DOCK1: variants seen among roughly 807,000 people sequenced by gnomAD.
DOCK1 encodes dedicator of cytokinesis protein 1.
A neutral mutation model predicts 262.7 loss-of-function variants in DOCK1; 138 were observed. The observed-to-expected ratio is 0.53, with a 90% confidence interval of 0.46 to 0.61. The LOEUF (loss-of-function observed/expected upper bound fraction) is 0.61, where lower values mean the gene tolerates loss of function less well. Ranked by LOEUF, DOCK1 falls within the 20% of genes least tolerant of loss-of-function variation. The probability of loss-of-function intolerance (pLI) is 0.00; values close to 1 mark genes in which losing one functional copy is unlikely to be tolerated. For missense variants in DOCK1, 1,908 were observed against 2,370.7 expected (o/e 0.80, Z 4.05); for synonymous variants, 866 against 867.4 (o/e 1.00, Z 0.03).
intron 27 of DOCK1, among the ~76,000 whole-genome samples, chr10:127,236,089 GTCAT>G (rs1488641540): frequency 1.3e-5 from 2 of 151,952 alleles, no homozygotes; most frequent in African/African-American, 2.4e-5. Context: ...TCTGTATAGT[GTCAT>G]TCAAAGACCA....
intron 9 of DOCK1, among the ~76,000 whole-genome samples, 188 bp downstream of exon 9, chr10:126,999,623 A>G (rs1348701060): frequency 3.3e-5 from 5 of 152,200 alleles, no homozygotes; most frequent in Non-Finnish European, 7.3e-5. Flanking sequence ...CCTTAGAATC[A>G]CCGTGACAAA....
chr10:127,017,732 CT>C (rs964244546), intron 12 of DOCK1, among the ~76,000 whole-genome samples: 1 of 152,108 alleles, frequency 6.6e-6, no homozygotes, highest in Non-Finnish European at 1.5e-5. Context: ...GCAGCCCCCC[CT>C]GAGGCCTCAG....
intron 38 of DOCK1, among the ~76,000 whole-genome samples, chr10:127,392,970 A>G (rs2134212204): frequency 6.6e-6 from 1 of 152,354 alleles, no homozygotes; most frequent in East Asian, 1.9e-4. Context: ...TCTTCCGTCC[A>G]AATGACTACA....
chr10:127,324,378 G>A (rs1235367999), intron 29 of DOCK1, among the ~76,000 whole-genome samples: 4 of 152,214 alleles, frequency 2.6e-5, no homozygotes, highest in Non-Finnish European at 4.4e-5. Context: ...AGAAATGCCT[G>A]GAAAGTAGAT....
Position 127,100,441 on chromosome 10 carries a change from G to A in DOCK1, c.2446-5790G>A, listed in dbSNP as rs902782450. ...GCACTGGAATCCCTAGGGAAGGCGA[G>A]GCAGCGGTGGCTTCCACCAAGGCAG... is the stretch of plus-strand genomic sequence containing the variant. On this transcript the variant is annotated intron_variant, in intron 23 of 51. Transcript: ENST00000623213. This position sits in a 1 kb window ranked among gnomAD's most constrained non-coding sequence, Gnocchi z 5.5. 6.6e-6 allele frequency among the ~76,000 whole-genome samples: 1 copy of A among 152,204 alleles called. No individual in the cohort carries two copies. Among genetic ancestry groups the A allele is most frequent in the Non-Finnish European group, 1.5e-5 (1 of 68,028 alleles).
At chr10:126,953,516 G>T (rs1260959352) in intron 1 of DOCK1, among the ~76,000 whole-genome samples, 3 of 151,762 alleles carry the variant, frequency 2.0e-5, no homozygotes, top group Non-Finnish European at 4.4e-5. Context: ...TAATGTTGGT[G>T]GTGGTAGTAC....
chr10:127,052,859 C>T (rs778077963), intron 22 of DOCK1, 44 bp downstream of exon 22: 12 of 1,572,146 alleles, frequency 7.6e-6, no homozygotes, highest in African/African-American at 1.4e-5. Flanking sequence ...AGAGGACTGG[C>T]AGGAGATCCT....
intron 1 of DOCK1, among the ~76,000 whole-genome samples, chr10:126,958,609 G>A (rs923968793): frequency 3.3e-5 from 5 of 152,122 alleles, no homozygotes; most frequent in African/African-American, 1.2e-4. Context: ...AAAGCAGGTA[G>A]GTTTTCTCTA....
intron 1 of DOCK1, among the ~76,000 whole-genome samples, chr10:126,938,747 A>G: frequency 7.0e-6 from 1 of 142,352 alleles, no homozygotes; most frequent in Non-Finnish European, 1.6e-5. Context: ...TCCAGAGGGG[A>G]TGAACACCGG....
At chr10:127,293,674 C>A (rs2061416658) in intron 29 of DOCK1, among the ~76,000 whole-genome samples, 1 of 152,294 alleles carries the variant, frequency 6.6e-6, no homozygotes, top group African/African-American at 2.4e-5. Flanking sequence ...GACTTGCCTG[C>A]CCTATGAACC....
At chr10:127,162,011 G>A (rs1029019106) in intron 27 of DOCK1, among the ~76,000 whole-genome samples, 2 of 152,170 alleles carry the variant, frequency 1.3e-5, no homozygotes, top group Non-Finnish European at 2.9e-5. Context: ...TTGATGATGG[G>A]ACAGGCAGTG....
chr10:127,418,287 G>GGAAGA, intron 44 of DOCK1, 78 bp from the exon 45 acceptor site: 2 of 1,448,370 alleles, frequency 1.4e-6, no homozygotes, highest in Non-Finnish European at 1.8e-6. Flanking sequence ...CTGCCCCAGA[G>GGAAGA]CACGTGGCTC....
intron 27 of DOCK1, among the ~76,000 whole-genome samples, chr10:127,202,511 G>T (rs2057517600): frequency 6.6e-6 from 1 of 152,114 alleles, no homozygotes; most frequent in African/African-American, 2.4e-5. Flanking sequence ...CCCAGCTGGG[G>T]GGTGTAGGAA....
chr10:126,996,715 G>T (rs2040222230), intron 6 of DOCK1, 33 bp from the exon 7 acceptor site: 16 of 1,591,370 alleles, frequency 1.0e-5, no homozygotes, highest in Non-Finnish European at 1.3e-5. Flanking sequence ...CTTGGTCTAT[G>T]TCTGTGAACT....
chr10:127,067,348 C>T (rs1591879368), intron 23 of DOCK1, among the ~76,000 whole-genome samples: 1 of 152,146 alleles, frequency 6.6e-6, no homozygotes, highest in Non-Finnish European at 1.5e-5. Flanking sequence ...TACTACCTTC[C>T]CTTAGGATGA....
At chr10:127,436,210 G>A (rs1001825632) in intron 48 of DOCK1, among the ~76,000 whole-genome samples, 3 of 152,132 alleles carry the variant, frequency 2.0e-5, no homozygotes, top group Non-Finnish European at 4.4e-5. Flanking sequence ...AATTTTTTAA[G>A]CATTTTAGTA....
chr10:127,437,071 C>CAT lies in DOCK1; in HGVS notation c.5061-1953_5061-1952dup, dbSNP rs2069736942. Among the ~76,000 whole-genome samples the CAT allele has an allele frequency of 2.0e-5, 3 of 152,182 alleles. No individual in the cohort carries two copies. Among genetic ancestry groups the CAT allele is most frequent in the Non-Finnish European group, 4.4e-5 (3 of 68,034 alleles). On this transcript the variant is annotated intron_variant, in intron 48 of 51. Coordinates refer to ENST00000623213, the MANE Select transcript of DOCK1 (RefSeq NM_001290223.2). This position sits in a 1 kb window ranked among gnomAD's most constrained non-coding sequence, Gnocchi z 4.4. The stretch of plus-strand genomic sequence containing the variant: ...GCGTCTCGATTCTCCATATTCCCTG[C>CAT]ATATTGGTGGTTGAATCTAGCGATT...
At chr10:127,235,491 C>G (rs116902281) in intron 27 of DOCK1, among the ~76,000 whole-genome samples, 2,548 of 152,270 alleles carry the variant, frequency 0.017, 28 homozygotes, top group South Asian at 0.031. Context: ...GAGTACTATT[C>G]ATCATGCAGA....
intron 46 of DOCK1, among the ~76,000 whole-genome samples, 199 bp downstream of exon 46, chr10:127,419,948 C>T (rs1388459101): frequency 1.3e-5 from 2 of 152,194 alleles, no homozygotes; most frequent in Admixed American, 1.3e-4. Flanking sequence ...ATTTGAACAC[C>T]CAGAAAATTA....
Sources: gnomAD v4.1 joint callset for allele counts (sites outside exome capture counted in the v4.1 genomes callset) on GRCh38, gnomAD v4.1.1 for gene constraint, Gnocchi (gnomAD v3.1) non-coding constraint, MANE v1.5 for transcripts, NCBI Gene and HGNC (gene_info 2026-07-23, HGNC 2026-07-21) for gene names.